PPFIA2: variants seen among roughly 807,000 people sequenced by gnomAD.
The protein encoded by PPFIA2 is liprin-alpha-2.
Under a neutral mutation model 175.5 loss-of-function variants are expected in PPFIA2, and 46 were observed. The ratio of observed to expected loss-of-function variants is 0.26; its 90% CI spans 0.21 to 0.34. The LOEUF (loss-of-function observed/expected upper bound fraction) is 0.34, where lower values mean the gene tolerates loss of function less well. Among genes scored for constraint, PPFIA2 ranks in the 10% least tolerant of loss-of-function variants. The pLI is 1.00. For synonymous variants in PPFIA2, 568 were observed against 511.4 expected (o/e 1.11, Z -1.49); for missense variants, 1,179 against 1,506.1 (o/e 0.78, Z 3.60).
chr12:81,554,096 C>T (rs2068421964), intron 4 of PPFIA2, among the ~76,000 whole-genome samples: 1 of 151,822 alleles, frequency 6.6e-6, no homozygotes. Context: ...GAGGTGAGCA[C>T]TAGAATGAGG....
intron 4 of PPFIA2, among the ~76,000 whole-genome samples, chr12:81,460,399 T>C (rs775920410): frequency 1.3e-5 from 2 of 152,122 alleles, no homozygotes; most frequent in Admixed American, 1.3e-4. Context: ...CCTCTTTTTC[T>C]TTATAAATTA....
intron 7 of PPFIA2, among the ~76,000 whole-genome samples, chr12:81,412,256 T>C (rs762306136): frequency 6.6e-5 from 10 of 150,798 alleles, no homozygotes; most frequent in Non-Finnish European, 1.3e-4. Context: ...ATTTGATCAC[T>C]GTTCTAAGTA....
At chr12:81,499,554 C>T (rs1412672979) in intron 4 of PPFIA2, among the ~76,000 whole-genome samples, 1 of 152,124 alleles carries the variant, frequency 6.6e-6, no homozygotes, top group African/African-American at 2.4e-5. Context: ...TAATCCCTAC[C>T]AGGATAGCTT....
intron 6 of PPFIA2, among the ~76,000 whole-genome samples, chr12:81,442,625 A>T (rs956296506): frequency 6.6e-6 from 1 of 151,220 alleles, no homozygotes; most frequent in Non-Finnish European, 1.5e-5. Context: ...TAATTTCAAA[A>T]TTACTGATGG....
intron 3 of PPFIA2, among the ~76,000 whole-genome samples, chr12:81,704,832 C>T (rs900215096): frequency 2.0e-5 from 3 of 151,588 alleles, no homozygotes; most frequent in Non-Finnish European, 1.5e-5. Context: ...ACCTGTAATC[C>T]CAGCACTTTG....
chr12:81,517,494 G>A (rs1025164416), intron 4 of PPFIA2, among the ~76,000 whole-genome samples: 3 of 152,116 alleles, frequency 2.0e-5, no homozygotes, highest in Admixed American at 2.0e-4. Context: ...CCGAGACCTC[G>A]GCTAATGCTG....
At chr12:81,277,030 G>C (rs148265343) in intron 28 of PPFIA2, among the ~76,000 whole-genome samples, 323 of 152,124 alleles carry the variant, frequency 2.1e-3, no homozygotes, top group African/African-American at 7.5e-3. Context: ...ATATCTACAT[G>C]GAGACATCTT....
At chr12:81,359,393 A>C (rs991088416) in intron 15 of PPFIA2, among the ~76,000 whole-genome samples, 3 of 151,926 alleles carry the variant, frequency 2.0e-5, no homozygotes, top group African/African-American at 7.2e-5. Context: ...TTTTTGTAGC[A>C]ATGTATTTGA....
At chr12:81,574,774 C>A (rs549708463) in intron 4 of PPFIA2, among the ~76,000 whole-genome samples, 3 of 151,394 alleles carry the variant, frequency 2.0e-5, no homozygotes, top group African/African-American at 7.2e-5. Flanking sequence ...TTTATAGAAA[C>A]AAAGTCCTAA....
At chr12:81,622,625 C>T (rs569155515) in intron 4 of PPFIA2, among the ~76,000 whole-genome samples, 9 of 152,112 alleles carry the variant, frequency 5.9e-5, no homozygotes, top group Non-Finnish European at 8.8e-5. Context: ...AGCTTATGAA[C>T]ATAGCTTTAA....
chr12:81,315,504 A>T (rs2052120695), intron 22 of PPFIA2, among the ~76,000 whole-genome samples: 1 of 151,756 alleles, frequency 6.6e-6, no homozygotes, highest in South Asian at 2.1e-4. Flanking sequence ...TTAAATAAAG[A>T]TGATAGAAGA....
chr12:81,262,187 T>C (rs1175622041), intron 31 of PPFIA2, 147 bp from the exon 32 acceptor site: 1 of 614,970 alleles, frequency 1.6e-6, no homozygotes, highest in Non-Finnish European at 2.9e-6. Flanking sequence ...CACATTCCTC[T>C]TCTCTAGATC....
At chr12:81,573,572 G>A (rs544453930) in intron 4 of PPFIA2, among the ~76,000 whole-genome samples, 87 of 151,826 alleles carry the variant, frequency 5.7e-4, no homozygotes, top group Middle Eastern at 3.4e-3. Context: ...GGTTATTTCC[G>A]GTAAATGTGA....
intron 21 of PPFIA2, among the ~76,000 whole-genome samples, chr12:81,338,281 T>G (rs1180459389): frequency 6.6e-6 from 1 of 152,124 alleles, no homozygotes; most frequent in Admixed American, 6.6e-5. Flanking sequence ...AGGAGTTTAA[T>G]TCTTTCCCAA....
rs148441763 is a variant in PPFIA2, at chr12:81,674,899, C to T, written c.303+1892G>A. Among the ~76,000 whole-genome samples the T allele has an allele frequency of 5.2e-3, 796 of 151,838 alleles. 4 individuals carry two copies. The highest frequency in any genetic ancestry group is 9.6e-3 in the Admixed American group (146 of 15,202). On this transcript the variant is annotated intron_variant, in intron 4 of 32. Transcript: ENST00000549396. Reference sequence around the variant, plus strand: ...AAGAAAATGACTGTTACATAGCTCCCGGCAGTATGTTCTAGATAGCTCCTT... The same window carrying T: ...AAGAAAATGACTGTTACATAGCTCCTGGCAGTATGTTCTAGATAGCTCCTT...
intron 3 of PPFIA2, among the ~76,000 whole-genome samples, chr12:81,735,220 A>T (rs1396698461): frequency 6.6e-6 from 1 of 151,804 alleles, no homozygotes; most frequent in Non-Finnish European, 1.5e-5. Context: ...ACCATATTAC[A>T]TGCCAATTAG....
At chr12:81,602,688 T>A (rs947553630) in intron 4 of PPFIA2, among the ~76,000 whole-genome samples, 1 of 151,860 alleles carries the variant, frequency 6.6e-6, no homozygotes, top group Non-Finnish European at 1.5e-5. Context: ...GTTTCTTATT[T>A]TGGTCCTTGA....
intron 3 of PPFIA2, among the ~76,000 whole-genome samples, chr12:81,745,144 T>G (rs1170940961): frequency 6.6e-6 from 1 of 152,306 alleles, no homozygotes; most frequent in East Asian, 1.9e-4. Flanking sequence ...AAATTAATTA[T>G]CTTTTGTTTT....
intron 4 of PPFIA2, among the ~76,000 whole-genome samples, chr12:81,653,845 C>CT: frequency 6.6e-6 from 1 of 152,096 alleles, no homozygotes; most frequent in East Asian, 1.9e-4. Flanking sequence ...TCATAGCTCC[C>CT]TGCTGTTTCC....
Sources: allele counts gnomAD v4.1 joint callset (sites outside exome capture counted in the v4.1 genomes callset), GRCh38; gene constraint gnomAD v4.1.1; transcripts MANE v1.5; gene names NCBI Gene and HGNC (gene_info 2026-07-23, HGNC 2026-07-21).